The following CMSS1 variants were observed in gnomAD, a reference collection of about 807,000 sequenced individuals.
The protein encoded by CMSS1 is protein CMSS1.
In CMSS1, 33 loss-of-function variants were observed where a neutral mutation model predicts 43.5. That is an observed-to-expected ratio of 0.76 (90% CI 0.57 to 1.01). CMSS1 has a LOEUF of 1.01. CMSS1 is among the 50% of genes least tolerant of loss of function. The probability of loss-of-function intolerance (pLI) is 0.00; values close to 1 mark genes in which losing one functional copy is unlikely to be tolerated. For synonymous variants in CMSS1, 115 were observed against 117.2 expected (o/e 0.98, Z 0.12); for missense variants, 313 against 326.4 (o/e 0.96, Z 0.32).
chr3:99,875,498 T>C (rs189135782), intron 1 of CMSS1, among the ~76,000 whole-genome samples: 14 of 152,332 alleles, frequency 9.2e-5, no homozygotes, highest in Non-Finnish European at 1.8e-4. Flanking sequence ...CTTGTACAAA[T>C]TGACATATGC....
At position 100,133,950 on chromosome 3, in the gene CMSS1, A is replaced by G. The variant is rs563831736; in HGVS notation, c.65-13023A>G. ...ACCTTGAATAATTTACATTAACGGG[A>G]TACATTATGTATTAATAGTATAATA... On this transcript the variant is annotated intron_variant, in intron 1 of 9. Coordinates refer to ENST00000421999, the MANE Select transcript of CMSS1 (RefSeq NM_032359.4). 7.2e-5 allele frequency among the ~76,000 whole-genome samples: 11 copies of G among 152,316 alleles called. No individual in the cohort carries two copies. The South Asian group carries it at 2.3e-3, about 32-fold the overall frequency.
At chr3:99,843,880 C>T (rs570660728) in intron 1 of CMSS1, among the ~76,000 whole-genome samples, 2 of 152,294 alleles carry the variant, frequency 1.3e-5, no homozygotes, top group South Asian at 4.1e-4. Flanking sequence ...CATAGGAGCA[C>T]GAACCCTATT....
chr3:99,834,526 C>G (rs1942816765), intron 1 of CMSS1, among the ~76,000 whole-genome samples: 1 of 152,184 alleles, frequency 6.6e-6, no homozygotes, highest in Non-Finnish European at 1.5e-5. Context: ...CACTTTGTGT[C>G]AGACCAAGCA....
At chr3:99,910,040 G>T in intron 1 of CMSS1, among the ~76,000 whole-genome samples, 1 of 98,340 alleles carries the variant, frequency 1.0e-5, no homozygotes, top group Non-Finnish European at 2.6e-5. Flanking sequence ...AACAGTGAAG[G>T]GCTTCAGTGT....
intron 1 of CMSS1, among the ~76,000 whole-genome samples, chr3:100,006,791 G>A (rs924723315): frequency 1.2e-4 from 18 of 152,106 alleles, no homozygotes; most frequent in Admixed American, 5.2e-4. Flanking sequence ...TAATAATTGC[G>A]GCATGTCAGC....
At chr3:99,984,030 G>A (rs1162163519) in intron 1 of CMSS1, among the ~76,000 whole-genome samples, 1 of 147,156 alleles carries the variant, frequency 6.8e-6, no homozygotes, top group Non-Finnish European at 1.5e-5. Context: ...ATGTTAATTA[G>A]CATGAAAAAG....
At chr3:100,171,433 C>T (rs72936589) in intron 6 of CMSS1, among the ~76,000 whole-genome samples, 2 of 151,888 alleles carry the variant, frequency 1.3e-5, no homozygotes, top group African/African-American at 2.4e-5. Flanking sequence ...CCACAGAGAA[C>T]GAGCTGACAT....
At chr3:100,055,064 C>G (rs777334249) in intron 1 of CMSS1, among the ~76,000 whole-genome samples, 1 of 152,106 alleles carries the variant, frequency 6.6e-6, no homozygotes, top group Non-Finnish European at 1.5e-5. Context: ...GTTGTCAGGT[C>G]ACAGTTGTCT....
intron 2 of CMSS1, among the ~76,000 whole-genome samples, chr3:100,155,728 T>C (rs1029310688): frequency 6.6e-6 from 1 of 152,222 alleles, no homozygotes. Context: ...TTTGAATATG[T>C]CTTTATTCTA....
At chr3:99,981,162 G>T (rs571988666) in intron 1 of CMSS1, among the ~76,000 whole-genome samples, 3 of 152,288 alleles carry the variant, frequency 2.0e-5, no homozygotes, top group Admixed American at 2.0e-4. Context: ...CCTGTGCTGG[G>T]ATGTGGTGCC....
chr3:100,021,966 A>T lies in CMSS1; in HGVS notation c.65-125007A>T, dbSNP rs946923965. Among the ~76,000 whole-genome samples the T allele has an allele frequency of 7.5e-3, 837 of 112,268 alleles. 6 individuals carry two copies. The highest frequency in any genetic ancestry group is 0.021 in the African/African-American group (607 of 29,584). 73.7% of individuals were successfully genotyped at this position (112,268 alleles called of 152,430 possible). The stretch of plus-strand genomic sequence containing the variant: ...GTGTGTGTGTGTGTGTGTGTGAGAG[A>T]GAGAGAGAGAGAGAGAGAGAGAGAG... On this transcript the variant is annotated intron_variant, in intron 1 of 9. Transcript: ENST00000421999.
In CMSS1 at chr3:99,884,628, G is replaced by A. The variant is rs185079150; in HGVS notation, c.64+66585G>A. Reference sequence around the variant, plus strand: ...ACCAGCACAATACCCTGCACAAAGTGAGCATTCTGCAAACCTAAAGAACGA... The same window carrying A: ...ACCAGCACAATACCCTGCACAAAGTAAGCATTCTGCAAACCTAAAGAACGA... On this transcript the variant is annotated intron_variant, in intron 1 of 9. Transcript: ENST00000421999. Among the ~76,000 whole-genome samples the A allele has an allele frequency of 2.1e-3, 315 of 152,306 alleles. 1 individual carries two copies. The highest frequency in any genetic ancestry group is 7.1e-3 in the African/African-American group (295 of 41,574).
chr3:100,059,346 A>G (rs2065519879), intron 1 of CMSS1, among the ~76,000 whole-genome samples: 1 of 152,172 alleles, frequency 6.6e-6, no homozygotes, highest in East Asian at 1.9e-4. Context: ...TTTTGAGACA[A>G]TGAAAAATGC....
chr3:100,091,272 G>C (rs780217488), intron 1 of CMSS1, among the ~76,000 whole-genome samples: 1 of 146,046 alleles, frequency 6.8e-6, no homozygotes, highest in African/African-American at 2.5e-5. Context: ...GCGACAGAGC[G>C]AGACTCCGTC....
intron 2 of CMSS1, among the ~76,000 whole-genome samples, chr3:100,152,906 C>T (rs140188687): frequency 2.6e-4 from 39 of 152,294 alleles, no homozygotes; most frequent in Admixed American, 1.4e-3. Flanking sequence ...GTTGTTCAAG[C>T]GCATTCTTCA....
chr3:99,943,960 C>T (rs1344469823), intron 1 of CMSS1, among the ~76,000 whole-genome samples: 3 of 152,198 alleles, frequency 2.0e-5, no homozygotes, highest in East Asian at 1.9e-4. Flanking sequence ...ATACAAGATG[C>T]TGTGCCTGGT....
intron 1 of CMSS1, among the ~76,000 whole-genome samples, chr3:100,001,472 A>G (rs1709840475): frequency 1.3e-5 from 2 of 152,240 alleles, no homozygotes; most frequent in South Asian, 4.1e-4. Context: ...ATCAATCAGA[A>G]CAACCCAACT....
chr3:99,963,035 C>A (rs1407741606), intron 1 of CMSS1, among the ~76,000 whole-genome samples: 1 of 152,198 alleles, frequency 6.6e-6, no homozygotes, highest in African/African-American at 2.4e-5. Context: ...GTTTTACCAG[C>A]CGTTGAGGTT....
intron 1 of CMSS1, among the ~76,000 whole-genome samples, chr3:99,851,565 A>C (rs1171923477): frequency 1.3e-5 from 2 of 152,248 alleles, no homozygotes; most frequent in Non-Finnish European, 2.9e-5. Flanking sequence ...TAAATGCGGT[A>C]ATTCATCTAA....
Sources: gnomAD v4.1 joint callset for allele counts (sites outside exome capture counted in the v4.1 genomes callset) on GRCh38, gnomAD v4.1.1 for gene constraint, MANE v1.5 for transcripts, NCBI Gene and HGNC (gene_info 2026-07-23, HGNC 2026-07-21) for gene names.